The following ARHGAP23 variants were observed in gnomAD, a reference collection of about 807,000 sequenced individuals.
ARHGAP23 encodes rho GTPase-activating protein 23.
ARHGAP23 carries 34 observed loss-of-function variants against 136.3 expected under a neutral mutation model. The observed-to-expected ratio is 0.25, with a 90% CI of 0.19 to 0.33. The LOEUF (loss-of-function observed/expected upper bound fraction) is 0.33. Among genes scored for constraint, ARHGAP23 ranks in the 10% least tolerant of loss-of-function variants. The pLI is 1.00. For synonymous variants in ARHGAP23, 832 were observed against 920.5 expected, an observed-to-expected ratio of 0.90 and a Z score of 1.74; for missense variants, 1,808 against 2,139.0, an observed-to-expected ratio of 0.85 and a Z score of 3.05.
At chr17:38,446,735 C>CGACA (rs1362224281) in intron 1 of ARHGAP23, among the ~76,000 whole-genome samples, 3 of 152,018 alleles carry the variant, frequency 2.0e-5, no homozygotes, top group Non-Finnish European at 4.4e-5. Context: ...CCTTAGCCTC[C>CGACA]TGTCCATGTT....
chr17:38,485,779 A>G (rs545095355), intron 16 of ARHGAP23, among the ~76,000 whole-genome samples: 189 of 152,260 alleles, frequency 1.2e-3, no homozygotes, highest in Admixed American at 3.5e-3. Flanking sequence ...AGCAGCTGCC[A>G]CTCACTGTCT....
chr17:38,437,819 G>T (rs1050181004), intron 1 of ARHGAP23, among the ~76,000 whole-genome samples: 2 of 151,966 alleles, frequency 1.3e-5, no homozygotes, highest in African/African-American at 2.4e-5. Context: ...AGATGTAATG[G>T]GTGGTGGGTG....
chr17:38,500,812 G>A (rs1466145499), intron 23 of ARHGAP23, 184 bp downstream of exon 23: 1 of 633,846 alleles, frequency 1.6e-6, no homozygotes, highest in Non-Finnish European at 2.8e-6. Flanking sequence ...GGCAGTGTTT[G>A]GTGAGGCATC....
In ARHGAP23 at chr17:38,481,154, T is replaced by A. The variant is rs551160952; in HGVS notation, c.2630-868T>A. On this transcript the variant is annotated intron_variant, in intron 14 of 23. Coordinates refer to ENST00000622683, the MANE Select transcript of ARHGAP23 (RefSeq NM_001199417.2). ...CCACGCCCGGCTAATTTTTTTTTTT[T>A]ATTTTTTTTTGAGACGGAGTCTCGC... is the stretch of plus-strand genomic sequence containing the variant. Among the ~76,000 whole-genome samples, 938 of 151,758 alleles carry A rather than the reference T, an allele frequency of 6.2e-3. 9 individuals are homozygous for A. Among genetic ancestry groups the A allele is most frequent in the Non-Finnish European group, 0.01 (685 of 67,910 alleles).
chr17:38,475,809 G>A (rs953898915), intron 11 of ARHGAP23, among the ~76,000 whole-genome samples: 35 of 152,252 alleles, frequency 2.3e-4, no homozygotes, highest in Admixed American at 1.0e-3. Context: ...GCTGCAGTAA[G>A]TTCTTGGAAA....
At chr17:38,467,922 C>G (rs961195105) in intron 7 of ARHGAP23, among the ~76,000 whole-genome samples, 1 of 152,180 alleles carries the variant, frequency 6.6e-6, no homozygotes, top group East Asian at 1.9e-4. Context: ...TGTGTCAGGC[C>G]CTGTGCATGG....
chr17:38,490,121 C>T lies in ARHGAP23; in HGVS notation c.3006C>T (p.Ile1002=), dbSNP rs773739288. Residue 1002 remains isoleucine (I), a synonymous_variant, in exon 18 of 24, where the codon ATC becomes ATT. Coordinates refer to ENST00000622683, the MANE Select transcript of ARHGAP23 (RefSeq NM_001199417.2). ...TTCTAGACAAATACAACGACTTCAT[C>T]GAGGCCAACCGCATTGAGGACGCGC... The part of the protein sequence containing the change: ...LFTDDKYNDF[I]EANRIEDARE... The T allele has an allele frequency of 1.5e-5, 24 of 1,551,616 alleles. No individual in the cohort carries two copies. The African/African-American group carries it at 2.1e-4, about 13-fold the overall frequency.
Position 38,466,783 on chromosome 17 carries a change from C to G in ARHGAP23, c.1100C>G (p.Pro367Arg), listed in dbSNP as rs1275884021. 2 of 1,549,212 alleles carry G rather than the reference C, an allele frequency of 1.3e-6. No individual in the cohort carries two copies. The highest frequency in any genetic ancestry group is 1.7e-6 in the Non-Finnish European group (2 of 1,146,442). Residue 367 changes from proline (P) to arginine (R), a missense_variant, in exon 7 of 24, where the codon CCA (proline) becomes CGA (arginine). Physicochemically the swap from Pro to Arg is moderately radical, Grantham distance 103. Transcript: ENST00000622683. ...RATRSAEALG[P>R]GALVSPRFER... ...ACCCGTTCTGCCGAGGCACTGGGGC[C>G]AGGGGCACTGGTGTCACCCCGCTTT...
chr17:38,466,042 TC>T, intron 6 of ARHGAP23, 124 bp from the exon 7 acceptor site: 1 of 675,362 alleles, frequency 1.5e-6, no homozygotes, highest in Non-Finnish European at 2.2e-6. Context: ...TCTCCCTCGT[TC>T]CCCCCACCGC....
At chr17:38,497,361 A>G (rs1597841462) in intron 20 of ARHGAP23, among the ~76,000 whole-genome samples, 1 of 152,164 alleles carries the variant, frequency 6.6e-6, no homozygotes, top group African/African-American at 2.4e-5. Context: ...CGTGGGGCAC[A>G]CTCGGCTGTC....
At chr17:38,464,048 G>A (rs1006191951) in intron 6 of ARHGAP23, among the ~76,000 whole-genome samples, 1 of 152,040 alleles carries the variant, frequency 6.6e-6, no homozygotes, top group African/African-American at 2.4e-5. Flanking sequence ...AAACAGCATA[G>A]TACCTTGCAC....
At chr17:38,428,449 A>G (rs961615862), upstream of ARHGAP23, 6 of 1,343,424 alleles carry the variant, frequency 4.5e-6, no homozygotes, top group South Asian at 9.7e-5. Flanking sequence ...CGGCGCCCCC[A>G]GCCGTGCCCC....
intron 6 of ARHGAP23, among the ~76,000 whole-genome samples, chr17:38,464,815 CCT>C (rs1268628213): frequency 1.3e-5 from 2 of 152,158 alleles, no homozygotes; most frequent in East Asian, 3.9e-4. Flanking sequence ...CATCTGGGGG[CCT>C]CCACTGGCCC....
At chr17:38,442,489 TG>T (rs1258123395) in intron 1 of ARHGAP23, among the ~76,000 whole-genome samples, 2 of 152,232 alleles carry the variant, frequency 1.3e-5, no homozygotes, top group Non-Finnish European at 2.9e-5. Context: ...AAAGCAGACA[TG>T]GTCCTTGCCT....
chr17:38,432,433 A>G (rs561734299), intron 1 of ARHGAP23, among the ~76,000 whole-genome samples: 34 of 152,312 alleles, frequency 2.2e-4, no homozygotes, highest in Non-Finnish European at 3.8e-4. Context: ...TAATCCCAGC[A>G]CTTTGGGAGG....
chr17:38,424,343 G>A (rs757250856), upstream of ARHGAP23, among the ~76,000 whole-genome samples: 2 of 152,104 alleles, frequency 1.3e-5, no homozygotes, highest in Non-Finnish European at 2.9e-5. Flanking sequence ...ACACCCACCT[G>A]TGCTGCCTGC....
chr17:38,509,054 G>C (rs2040696137), intron 23 of ARHGAP23, among the ~76,000 whole-genome samples: 1 of 120,550 alleles, frequency 8.3e-6, no homozygotes, highest in Non-Finnish European at 1.7e-5. Context: ...GGCGGGGCGG[G>C]GGGCGGGCAA....
At chr17:38,431,180 C>T (rs1329662576) in intron 1 of ARHGAP23, among the ~76,000 whole-genome samples, 1 of 152,214 alleles carries the variant, frequency 6.6e-6, no homozygotes, top group Non-Finnish European at 1.5e-5. Flanking sequence ...CCATTTTCTA[C>T]ACAGCCCAAG....
At chr17:38,436,506 C>A (rs1174732667) in intron 1 of ARHGAP23, among the ~76,000 whole-genome samples, 1 of 152,210 alleles carries the variant, frequency 6.6e-6, no homozygotes, top group African/African-American at 2.4e-5. Context: ...GAAAGTCCGC[C>A]AGTGGGCTGG....
Sources: gnomAD v4.1 joint callset for allele counts (sites outside exome capture counted in the v4.1 genomes callset) on GRCh38, gnomAD v4.1.1 for gene constraint, MANE v1.5 for transcripts, NCBI Gene and HGNC (gene_info 2026-07-23, HGNC 2026-07-21) for gene names.